The following SRPRA variants were observed in gnomAD, a reference collection of about 807,000 sequenced individuals.
The protein encoded by SRPRA is SRP receptor subunit alpha.
Under a neutral mutation model 61.1 loss-of-function variants are expected in SRPRA, and 30 were observed. The observed-to-expected ratio is 0.49, with a 90% CI of 0.37 to 0.67. The LOEUF (loss-of-function observed/expected upper bound fraction) is 0.67, where lower values mean the gene tolerates loss of function less well. SRPRA is among the 30% of genes least tolerant of loss of function. The pLI is 0.00. For missense variants in SRPRA, 759 were observed against 828.4 expected, an observed-to-expected ratio of 0.92 and a Z score of 1.03; for synonymous variants, 324 against 299.7, an observed-to-expected ratio of 1.08 and a Z score of -0.84.
chr11:126,251,274 C>A, the SRPRA span, among the ~76,000 whole-genome samples: 95 of 152,302 alleles, frequency 6.2e-4, no homozygotes, highest in African/African-American at 2.2e-3. Flanking sequence ...GAGATGAGTT[C>A]TTAAAGTCTC....
chr11:126,256,465 A>T, the SRPRA span: 1 of 1,051,716 alleles, frequency 9.5e-7, no homozygotes, highest in Non-Finnish European at 1.4e-6. The surrounding 1 kb of genome is among the most constrained non-coding windows in gnomAD (Gnocchi z 6.6). Flanking sequence ...AGTCTTGCTT[A>T]ATTGGTCATC....
chr11:126,255,295 T>C, the SRPRA span, among the ~76,000 whole-genome samples: 1 of 152,238 alleles, frequency 6.6e-6, no homozygotes, highest in Admixed American at 6.5e-5. This position sits in a 1 kb window ranked among gnomAD's most constrained non-coding sequence, Gnocchi z 4.6. Context: ...TTTGCTGTTT[T>C]CAGGACTGGG....
In SRPRA at chr11:126,268,778, G is replaced by A. The variant is rs1356558316; in HGVS notation, c.27C>T (p.Ser9=). The change falls in exon 1 of 14, where the codon TCC becomes TCT. Residue 9 remains serine (S), a synonymous_variant. Coordinates refer to ENST00000332118, the MANE Select transcript of SRPRA (RefSeq NM_003139.4). ...AGCACCAGAGCACAAGCCCGCCCTT[G>A]GAGAAAATGGTGAAGAAGTCGAGCA... MLDFFTIF[S]KGGLVLWCFQ... 5 of 1,613,652 alleles carry A rather than the reference G, an allele frequency of 3.1e-6. No individual in the cohort carries two copies. Among genetic ancestry groups the A allele is most frequent in the Non-Finnish European group, 4.2e-6 (5 of 1,180,036 alleles).
the SRPRA span, among the ~76,000 whole-genome samples, chr11:126,257,593 A>G: frequency 6.9e-6 from 1 of 144,160 alleles, no homozygotes; most frequent in Non-Finnish European, 1.5e-5. Context: ...CTATATTCAT[A>G]TAGAATTGTA....
chr11:126,264,582 C>G lies in SRPRA; in HGVS notation c.1526-43G>C. On this transcript the variant is annotated intron_variant, in intron 11 of 13. Transcript: ENST00000332118. The surrounding 1 kb of genome is among the most constrained non-coding windows in gnomAD (Gnocchi z 5.0). ...TCAACTCTGAACACCTGGACTACCA[C>G]TCATGCTCGTTCCCAGCTTCCTCTC... 6.2e-7 allele frequency: 1 copy of G among 1,600,218 alleles called. No homozygotes were observed. Among genetic ancestry groups the G allele is most frequent in the African/African-American group, 1.3e-5 (1 of 74,732 alleles).
the SRPRA span, chr11:126,254,269 C>T: frequency 1.9e-6 from 3 of 1,605,364 alleles, no homozygotes; most frequent in South Asian, 3.3e-5. Flanking sequence ...GTGCTCAGCC[C>T]TGCCAAGCTG....
At chr11:126,252,620 G>T in the SRPRA span, among the ~76,000 whole-genome samples, 3 of 152,146 alleles carry the variant, frequency 2.0e-5, no homozygotes, top group African/African-American at 7.2e-5. The surrounding 1 kb of genome is among the most constrained non-coding windows in gnomAD (Gnocchi z 4.7). Context: ...GTGTTTGCCT[G>T]TGGTCCCAGC....
chr11:126,256,100 G>A, the SRPRA span, among the ~76,000 whole-genome samples: 3 of 152,256 alleles, frequency 2.0e-5, no homozygotes, highest in Admixed American at 6.5e-5. The surrounding 1 kb of genome is among the most constrained non-coding windows in gnomAD (Gnocchi z 6.6). Flanking sequence ...GCAAAACCCC[G>A]TCTCTACTAA....
In SRPRA at chr11:126,266,818, G is replaced by C; in HGVS notation, c.631C>G (p.Arg211Gly). ...GVELSKEELI[R>G]RKREEFIQKH... Reference sequence around the variant, plus strand: ...TGAATGAACTCCTCGCGCTTCCTGCGGATCAGCTCCTCTTTGGAAAGTTCT... The same window carrying C: ...TGAATGAACTCCTCGCGCTTCCTGCCGATCAGCTCCTCTTTGGAAAGTTCT... The change falls in exon 5 of 14, where the codon CGC becomes GGC. Residue 211 changes from arginine (R) to glycine (G), a missense_variant. By Grantham distance (125) the Arg-to-Gly change is moderately radical. Transcript: ENST00000332118. 1 of 1,614,132 alleles carries C rather than the reference G, an allele frequency of 6.2e-7. No individual in the cohort carries two copies. Among genetic ancestry groups the C allele is most frequent in the Non-Finnish European group, 8.5e-7 (1 of 1,180,040 alleles).
chr11:126,240,885 A>G, the SRPRA span: 1 of 1,614,102 alleles, frequency 6.2e-7, no homozygotes, highest in African/African-American at 1.3e-5. Context: ...CCCAAGTTCC[A>G]GCCCTCAAAT....
At chr11:126,262,066 G>A (rs1950712266), downstream of SRPRA, 7 of 1,600,244 alleles carry the variant, frequency 4.4e-6, no homozygotes, top group Middle Eastern at 3.3e-4. Context: ...AGCTTCCAAT[G>A]TATAAACCTG....
At chr11:126,256,820 T>G in the SRPRA span, 3 of 1,611,988 alleles carry the variant, frequency 1.9e-6, no homozygotes, top group Non-Finnish European at 2.5e-6. This position sits in a 1 kb window ranked among gnomAD's most constrained non-coding sequence, Gnocchi z 6.6. Context: ...TTCAAGCGAC[T>G]GACATGTGAG....
chr11:126,250,756 C>T, the SRPRA span: 1 of 1,520,050 alleles, frequency 6.6e-7, no homozygotes, highest in Non-Finnish European at 9.1e-7. This position sits in a 1 kb window ranked among gnomAD's most constrained non-coding sequence, Gnocchi z 5.1. Flanking sequence ...GCATTGGTCC[C>T]TTCTTCAGGC....
chr11:126,247,815 G>A, the SRPRA span, among the ~76,000 whole-genome samples: 10 of 148,222 alleles, frequency 6.7e-5, no homozygotes, highest in East Asian at 2.0e-4. Flanking sequence ...CTGAGACCAC[G>A]CCACTGCACT....
chr11:126,263,043 A>G lies in SRPRA; in HGVS notation c.*873T>C, dbSNP rs967409364. On this transcript the variant is annotated 3_prime_UTR_variant, in exon 14 of 14. Transcript: ENST00000332118. Reference sequence around the variant, plus strand: ...CATCTGTAATATCAAGCTACAGGACAAGTCTTAACAAGAGGTTTGTGTTCT... The same window carrying G: ...CATCTGTAATATCAAGCTACAGGACGAGTCTTAACAAGAGGTTTGTGTTCT... 4.6e-5 allele frequency: 7 copies of G among 152,660 alleles called. No homozygotes were observed. The highest frequency in any genetic ancestry group is 1.7e-4 in the African/African-American group (7 of 41,462). The allele number at this position is 152,660 out of a possible 1,614,324, so 9.5% of individuals were successfully genotyped here.
In SRPRA at chr11:126,267,814, G is replaced by A; in HGVS notation, c.202-102C>T. ...CTTTCAGAGATAGGTTCAGCTACCT[G>A]GCCGGTTTCCCTGTCCTGAGAGGCA... On this transcript the variant is annotated intron_variant, in intron 2 of 13. Transcript: ENST00000332118. The surrounding 1 kb of genome is among the most constrained non-coding windows in gnomAD (Gnocchi z 4.2). The A allele has an allele frequency of 1.3e-6, 2 of 1,529,178 alleles. No homozygotes were observed. Among genetic ancestry groups the A allele is most frequent in the Admixed American group, 1.8e-5 (1 of 55,284 alleles). 94.7% of individuals were successfully genotyped at this position (1,529,178 alleles called of 1,614,324 possible).
the SRPRA span, among the ~76,000 whole-genome samples, chr11:126,240,350 T>TA: frequency 6.6e-6 from 1 of 152,142 alleles, no homozygotes; most frequent in African/African-American, 2.4e-5. Context: ...CCTAGTGTTT[T>TA]ACATTTCTCA....
rs1046875732 is a variant in SRPRA, at chr11:126,263,142, A to C, written c.*774T>G. 1 of 152,582 alleles carries C rather than the reference A, an allele frequency of 6.6e-6. No individual in the cohort carries two copies. Among genetic ancestry groups the C allele is most frequent in the African/African-American group, 2.4e-5 (1 of 41,460 alleles). 9.5% of individuals were successfully genotyped at this position (152,582 alleles called of 1,614,324 possible). A position where few individuals can be genotyped will look rare whatever the true frequency, so the allele number is the denominator to read the frequency against. On this transcript the variant is annotated 3_prime_UTR_variant, in exon 14 of 14. Coordinates refer to ENST00000332118, the MANE Select transcript of SRPRA (RefSeq NM_003139.4). ...AAAGCCAGGACTGCTTAGGAGGTGA[A>C]GGATGGGAGGGGAGGGGGTCATCAT...
At chr11:126,247,630 C>T in the SRPRA span, among the ~76,000 whole-genome samples, 12 of 151,962 alleles carry the variant, frequency 7.9e-5, no homozygotes, top group African/African-American at 1.9e-4. Flanking sequence ...GAGGCCGAGG[C>T]GGGCAGATCA....
Sources: allele counts gnomAD v4.1 joint callset (sites outside exome capture counted in the v4.1 genomes callset), GRCh38; gene constraint gnomAD v4.1.1; non-coding constraint Gnocchi (gnomAD v3.1); transcripts MANE v1.5; gene names NCBI Gene and HGNC (gene_info 2026-07-23, HGNC 2026-07-21).